GBE1: variants seen among roughly 807,000 people sequenced by gnomAD.
GBE1 encodes the protein 1,4-alpha-glucan-branching enzyme.
In GBE1, 70 loss-of-function variants were observed where a neutral mutation model predicts 88.8. The observed-to-expected ratio is 0.79, with a 90% CI of 0.65 to 0.96. The LOEUF is 0.96. GBE1 is among the 40% of genes least tolerant of loss of function. The pLI is 0.00. For synonymous variants in GBE1, 284 were observed against 300.1 expected (o/e 0.95, Z 0.56); for missense variants, 872 against 871.0 (o/e 1.00, Z -0.01).
chr3:81,498,808 G>A (rs1171176327), intron 15 of GBE1, among the ~76,000 whole-genome samples: 1 of 152,086 alleles, frequency 6.6e-6, no homozygotes, highest in Non-Finnish European at 1.5e-5. Context: ...GAATAGAAAT[G>A]TTCATAATTG....
intron 2 of GBE1, among the ~76,000 whole-genome samples, chr3:81,698,436 T>C (rs2107157373): frequency 6.6e-6 from 1 of 152,290 alleles, no homozygotes; most frequent in East Asian, 1.9e-4. Context: ...CAACTCCCTC[T>C]GGACAAAAAT....
At position 81,573,014 on chromosome 3, in the gene GBE1, C is replaced by T. The variant is rs147700355; in HGVS notation, c.1618+4911G>A. 2.8e-3 allele frequency among the ~76,000 whole-genome samples: 422 copies of T among 152,196 alleles called. 1 individual carries two copies. The highest frequency in any genetic ancestry group is 5.6e-3 in the South Asian group (27 of 4,818). ...CTGAGTAAAATACATTCACTGAGGT[C>T]ATCCTATGCATAAAGTTGATGTTTT... On this transcript the variant is annotated intron_variant, in intron 12 of 15. Transcript: ENST00000429644.
intron 14 of GBE1, among the ~76,000 whole-genome samples, chr3:81,515,663 G>A (rs1702788587): frequency 6.6e-6 from 1 of 151,644 alleles, no homozygotes; most frequent in African/African-American, 2.4e-5. Context: ...GTTGAGACAG[G>A]ACAAAGGCTA....
chr3:81,734,371 A>T lies in GBE1; in HGVS notation c.143+27004T>A, dbSNP rs192923918. Among the ~76,000 whole-genome samples, 188 of 152,274 alleles carry T rather than the reference A, an allele frequency of 1.2e-3. 1 individual carries two copies. The highest frequency in any genetic ancestry group is 2.3e-3 in the Non-Finnish European group (154 of 68,024). ...GTACCTTCTTTTCAAATTACTATCAAGTTCTTTGTTTTCCTTATTTAATTA... is the reference window on the plus strand; with the variant it reads ...GTACCTTCTTTTCAAATTACTATCATGTTCTTTGTTTTCCTTATTTAATTA... On this transcript the variant is annotated intron_variant, in intron 1 of 15. Transcript: ENST00000429644.
At chr3:81,666,988 A>C (rs953493355) in intron 3 of GBE1, among the ~76,000 whole-genome samples, 2 of 152,226 alleles carry the variant, frequency 1.3e-5, no homozygotes. Context: ...ATAGGTTTAG[A>C]GATGACAGAT....
At chr3:81,627,954 T>G (rs1704441997) in intron 7 of GBE1, among the ~76,000 whole-genome samples, 3 of 151,970 alleles carry the variant, frequency 2.0e-5, no homozygotes, top group African/African-American at 7.2e-5. Flanking sequence ...TGAGCCACAT[T>G]GCTTGGCCAC....
intron 7 of GBE1, among the ~76,000 whole-genome samples, chr3:81,636,579 G>A (rs1420075658): frequency 2.0e-5 from 3 of 149,866 alleles, no homozygotes; most frequent in African/African-American, 4.9e-5. Flanking sequence ...TGTCCAGGCT[G>A]GAGTGCAATG....
intron 3 of GBE1, among the ~76,000 whole-genome samples, chr3:81,667,738 T>C (rs995823846): frequency 1.3e-5 from 2 of 152,226 alleles, no homozygotes; most frequent in Non-Finnish European, 2.9e-5. Context: ...GTTTATGTGA[T>C]GGATTACATT....
At chr3:81,737,335 ATATATATTTATATAAATATATATT>A (rs1188772456) in intron 1 of GBE1, among the ~76,000 whole-genome samples, 6 of 87,166 alleles carry the variant, frequency 6.9e-5, no homozygotes, top group Admixed American at 3.7e-4. Context: ...ATATATTTTT[ATATATATTTATATAAATATATATT>A]TATATATTTA....
rs1165321067 is a variant in GBE1 at position 81,621,210 on chromosome 3, T to C, written c.992+21571A>G. On this transcript the variant is annotated intron_variant, in intron 7 of 15. Transcript: ENST00000429644. ...TTACTCTGCACTTTGGAGAATACAT[T>C]TGGTGATGGATTGAGTGTATTCGAA... 2.6e-5 allele frequency among the ~76,000 whole-genome samples: 4 copies of C among 152,196 alleles called. No individual in the cohort carries two copies. In the East Asian group the frequency reaches 7.7e-4, roughly 29 times the overall value.
At chr3:81,587,953 C>T (rs1050199098) in intron 9 of GBE1, among the ~76,000 whole-genome samples, 11 of 152,228 alleles carry the variant, frequency 7.2e-5, no homozygotes, top group South Asian at 2.1e-4. Flanking sequence ...CTAAGTACTT[C>T]GGCCACTTTG....
chr3:81,710,962 G>A (rs903717988), intron 1 of GBE1, among the ~76,000 whole-genome samples: 1 of 152,138 alleles, frequency 6.6e-6, no homozygotes, highest in African/African-American at 2.4e-5. Flanking sequence ...AAATAAAGTT[G>A]ACTGGACTAC....
intron 14 of GBE1, among the ~76,000 whole-genome samples, chr3:81,503,215 T>C (rs1403686289): frequency 6.6e-6 from 1 of 152,132 alleles, no homozygotes; most frequent in Non-Finnish European, 1.5e-5. Context: ...TTCATGTACA[T>C]GTGACTCACA....
rs181581324 is a variant in GBE1, at chr3:81,584,763, A to C, written c.1335+1329T>G. Among the ~76,000 whole-genome samples, 88 of 151,702 alleles carry C rather than the reference A, an allele frequency of 5.8e-4. 1 individual carries two copies. In the Middle Eastern group the frequency reaches 0.031, roughly 53 times the overall value. On this transcript the variant is annotated intron_variant, in intron 10 of 15. Transcript: ENST00000429644. ...TAAAATGTTTATTAGGTTAAATTTC[A>C]ATTTTTTAAGCTGCCATGAATACTC... is the stretch of plus-strand genomic sequence containing the variant.
At chr3:81,494,640 G>C (rs768877247) in intron 15 of GBE1, among the ~76,000 whole-genome samples, 3 of 152,050 alleles carry the variant, frequency 2.0e-5, no homozygotes, top group Non-Finnish European at 4.4e-5. Context: ...AAGAACATGA[G>C]ACAACGTAGT....
intron 2 of GBE1, among the ~76,000 whole-genome samples, chr3:81,700,000 A>G (rs62267086): frequency 0.13 from 19,057 of 152,240 alleles, 1,347 homozygotes; most frequent in Non-Finnish European, 0.17. Flanking sequence ...GCCATCCTAG[A>G]GTTTCTTCAT....
At chr3:81,528,393 T>TAAAAC (rs912127211) in intron 14 of GBE1, among the ~76,000 whole-genome samples, 14 of 152,072 alleles carry the variant, frequency 9.2e-5, no homozygotes, top group South Asian at 8.3e-4. Context: ...AAGACAATCA[T>TAAAAC]AAAACAAAAC....
intron 1 of GBE1, among the ~76,000 whole-genome samples, chr3:81,759,239 G>A (rs1019166416): frequency 1.3e-5 from 2 of 152,114 alleles, no homozygotes; most frequent in Non-Finnish European, 2.9e-5. Context: ...ACATCCTAAG[G>A]GAACATCCAA....
At chr3:81,691,727 C>T (rs1350535980) in intron 2 of GBE1, among the ~76,000 whole-genome samples, 1 of 152,122 alleles carries the variant, frequency 6.6e-6, no homozygotes, top group East Asian at 1.9e-4. Flanking sequence ...CGCATTAAGC[C>T]ATGATCATGT....
Sources: allele counts gnomAD v4.1 joint callset (sites outside exome capture counted in the v4.1 genomes callset), GRCh38; gene constraint gnomAD v4.1.1; transcripts MANE v1.5; gene names NCBI Gene and HGNC (gene_info 2026-07-23, HGNC 2026-07-21).